Variants in HHIPL1 observed in about 807,000 individuals in gnomAD.
HHIPL1 encodes the protein HHIP like 1.
In HHIPL1, 43 loss-of-function variants were observed where a neutral mutation model predicts 61.8. That is an observed-to-expected ratio of 0.70 (90% CI 0.55 to 0.90). The LOEUF (loss-of-function observed/expected upper bound fraction) is 0.90. Ranked by LOEUF, HHIPL1 falls within the 40% of genes least tolerant of loss-of-function variation. The probability of loss-of-function intolerance (pLI) is 0.00; values close to 1 mark genes in which losing one functional copy is unlikely to be tolerated. For missense variants in HHIPL1, 1,056 were observed against 1,157.7 expected (o/e 0.91, Z 1.28); for synonymous variants, 482 against 515.8 (o/e 0.93, Z 0.89).
rs2056374967 is a variant in HHIPL1, at chr14:99,675,263, C to T, written c.1986C>T (p.Asn662=). The change falls in exon 9 of 9, where the codon AAC becomes AAT. Residue 662 remains asparagine, a synonymous_variant. Transcript: ENST00000330710. The surrounding 1 kb of genome is among the most constrained non-coding windows in gnomAD (Gnocchi z 5.4). ...RGGGRRRGRL[N]SASRAFRDGE... ...GCGGGCGGCGGCGGGGGCGGCTGAA[C>T]TCGGCGAGCCGGGCGTTCCGGGATG... 5 of 1,244,222 alleles carry T rather than the reference C, an allele frequency of 4.0e-6. No homozygotes were observed. Among genetic ancestry groups the T allele is most frequent in the Non-Finnish European group, 5.0e-6 (5 of 995,122 alleles). The allele number at this position is 1,244,222 out of a possible 1,614,324, so 77.1% of individuals were successfully genotyped here. A position where few individuals can be genotyped will look rare whatever the true frequency, so the allele number is the denominator to read the frequency against.
chr14:99,629,319 AC>A, the HHIPL1 span, among the ~76,000 whole-genome samples: 1 of 152,230 alleles, frequency 6.6e-6, no homozygotes, highest in Non-Finnish European at 1.5e-5. Context: ...CATAAAAAAA[AC>A]ATGAATATGT....
chr14:99,662,945 C>T lies in HHIPL1; in HGVS notation c.1572C>T (p.His524=), dbSNP rs202117856. The change falls in exon 6 of 9, where the codon CAC becomes CAT. Residue 524 remains histidine, a synonymous_variant. Transcript: ENST00000330710. The part of the protein sequence containing the change: ...QWQYSEICMG[H]GQTCEFPGLI... Reference sequence around the variant, plus strand: ...AGTACAGTGAGATCTGCATGGGCCACGGCCAGACCTGTGAGTTCCCAGGCC... The same window carrying T: ...AGTACAGTGAGATCTGCATGGGCCATGGCCAGACCTGTGAGTTCCCAGGCC... 9.0e-4 allele frequency: 1,459 copies of T among 1,613,816 alleles called. 20 individuals are homozygous for T. The South Asian group carries it at 0.014, about 16-fold the overall frequency.
the HHIPL1 span, among the ~76,000 whole-genome samples, chr14:99,611,787 G>C: frequency 6.6e-6 from 1 of 151,268 alleles, no homozygotes; most frequent in African/African-American, 2.4e-5. Flanking sequence ...CTTCTTATAC[G>C]CGTGTCCCAA....
In HHIPL1 at chr14:99,660,030, C is replaced by CCGGA. The variant is rs1473816791; in HGVS notation, c.1376-249_1376-246dup. Among the ~76,000 whole-genome samples, 93 of 152,034 alleles carry CCGGA rather than the reference C, an allele frequency of 6.1e-4. 1 individual carries two copies. The highest frequency in any genetic ancestry group is 2.0e-3 in the African/African-American group (83 of 41,482). On this transcript the variant is annotated intron_variant, in intron 4 of 8. Transcript: ENST00000330710. The surrounding 1 kb of genome is among the most constrained non-coding windows in gnomAD (Gnocchi z 4.9). ...CTTCGGTGACTGCCCCCGCCTCCAC[C>CCGGA]CGGAGCCTCCCTGCGCCTTGGAGGC...
chr14:99,651,247 C>G (rs781530859), intron 1 of HHIPL1, among the ~76,000 whole-genome samples: 4 of 151,726 alleles, frequency 2.6e-5, no homozygotes, highest in African/African-American at 9.7e-5. Context: ...AAAGAGAGAC[C>G]CTGTCTCAAA....
At chr14:99,623,472 G>A in the HHIPL1 span, among the ~76,000 whole-genome samples, 1 of 152,046 alleles carries the variant, frequency 6.6e-6, no homozygotes, top group African/African-American at 2.4e-5. Context: ...GGAGTGCAGT[G>A]GTATGATCAC....
In HHIPL1 at chr14:99,660,158, G is replaced by A; in HGVS notation, c.1376-122G>A. 1 of 1,027,548 alleles carries A rather than the reference G, an allele frequency of 9.7e-7. No homozygotes were observed. The highest frequency in any genetic ancestry group is 1.6e-5 in the South Asian group (1 of 63,562). The allele number at this position is 1,027,548 out of a possible 1,614,324, so 63.7% of individuals were successfully genotyped here. On this transcript the variant is annotated intron_variant, in intron 4 of 8. Coordinates refer to ENST00000330710, the MANE Select transcript of HHIPL1 (RefSeq NM_001127258.3). The surrounding 1 kb of genome is among the most constrained non-coding windows in gnomAD (Gnocchi z 4.9). Reference sequence around the variant, plus strand: ...GCCCTGCTGTGGGCACGCCAGCCCTGCTGTGGGCACGCCCCTCCCTCCGTG... The same window carrying A: ...GCCCTGCTGTGGGCACGCCAGCCCTACTGTGGGCACGCCCCTCCCTCCGTG...
At chr14:99,620,164 C>G in the HHIPL1 span, among the ~76,000 whole-genome samples, 1 of 152,222 alleles carries the variant, frequency 6.6e-6, no homozygotes, top group African/African-American at 2.4e-5. Context: ...ATTGCTCAGC[C>G]AGCCGGTGAT....
At position 99,659,502 on chromosome 14, in the gene HHIPL1, C is replaced by T. The variant is rs759597881; in HGVS notation, c.1121C>T (p.Pro374Leu). The stretch of plus-strand genomic sequence containing the variant: ...CGCGGCCTGCCCTACGGCATCCCGC[C>T]CGACAACCCGTTCGTGGGCGACCCC... The part of the protein sequence containing the change: ...KERGLPYGIP[P>L]DNPFVGDPAA... The change falls in exon 4 of 9, where the codon CCC (proline) becomes CTC (leucine). Residue 374 changes from proline to leucine, a missense_variant. Transcript: ENST00000330710. 2.6e-6 allele frequency: 4 copies of T among 1,541,136 alleles called. No individual in the cohort carries two copies. The highest frequency in any genetic ancestry group is 1.2e-5 in the South Asian group (1 of 83,552).
the HHIPL1 span, among the ~76,000 whole-genome samples, chr14:99,637,039 GAAA>G: frequency 9.5e-6 from 1 of 105,244 alleles, no homozygotes; most frequent in Non-Finnish European, 2.0e-5. Flanking sequence ...AAGAAAGAAA[GAAA>G]GAAAGAAGGA....
At chr14:99,634,542 A>G in the HHIPL1 span, among the ~76,000 whole-genome samples, 1 of 152,228 alleles carries the variant, frequency 6.6e-6, no homozygotes, top group East Asian at 1.9e-4. Flanking sequence ...ACAGCACCCT[A>G]AGCAGCCCCA....
the HHIPL1 span, among the ~76,000 whole-genome samples, chr14:99,614,500 C>A: frequency 3.3e-5 from 5 of 152,310 alleles, no homozygotes; most frequent in East Asian, 5.8e-4. Flanking sequence ...GCCCCAGCCA[C>A]CCTTAGAATC....
intron 2 of HHIPL1, among the ~76,000 whole-genome samples, chr14:99,656,127 C>G (rs185036267): frequency 5.1e-4 from 78 of 152,330 alleles, no homozygotes; most frequent in Middle Eastern, 6.8e-3. Flanking sequence ...CCGTTAGAAG[C>G]TGCAAATGAG....
chr14:99,634,667 T>C, the HHIPL1 span, among the ~76,000 whole-genome samples: 4 of 152,112 alleles, frequency 2.6e-5, no homozygotes, highest in African/African-American at 7.2e-5. Context: ...GTGGTGCAGA[T>C]AAGGAAACGG....
intron 2 of HHIPL1, among the ~76,000 whole-genome samples, 170 bp from the exon 3 acceptor site, chr14:99,656,830 A>AG (rs1566809831): frequency 3.1e-3 from 52 of 16,918 alleles, no homozygotes; most frequent in African/African-American, 6.0e-3. Flanking sequence ...AAAGAAAGAA[A>AG]GAAAGAAAGG....
chr14:99,637,959 A>G, the HHIPL1 span, among the ~76,000 whole-genome samples: 4 of 152,224 alleles, frequency 2.6e-5, no homozygotes, highest in Admixed American at 2.6e-4. Flanking sequence ...CGCCTCTCAC[A>G]CTGAGGCACA....
At position 99,675,697 on chromosome 14, in the gene HHIPL1, G is replaced by A. The variant is rs2056384251; in HGVS notation, c.*71G>A. 7 of 1,382,656 alleles carry A rather than the reference G, an allele frequency of 5.1e-6. No homozygotes were observed. The highest frequency in any genetic ancestry group is 5.7e-6 in the Non-Finnish European group (6 of 1,047,974). 85.6% of individuals were successfully genotyped at this position (1,382,656 alleles called of 1,614,324 possible). A position where few individuals can be genotyped will look rare whatever the true frequency, so the allele number is the denominator to read the frequency against. On this transcript the variant is annotated 3_prime_UTR_variant, in exon 9 of 9. Coordinates refer to ENST00000330710, the MANE Select transcript of HHIPL1 (RefSeq NM_001127258.3). This position sits in a 1 kb window ranked among gnomAD's most constrained non-coding sequence, Gnocchi z 5.4. ...GCAGGGGCCGCTCCGCCCTGTGTGCGCCCAGCGGGTGCACACGTGTTCTAG... is the reference window on the plus strand; with the variant it reads ...GCAGGGGCCGCTCCGCCCTGTGTGCACCCAGCGGGTGCACACGTGTTCTAG...
rs1348454555 is a variant in HHIPL1 at position 99,668,792 on chromosome 14, G to A, written c.1730+489G>A. ...CTTCCACTGGGGAAAACACATTGGG[G>A]CTCCCTTCGCCGGCTCCATCTCCCC... On this transcript the variant is annotated intron_variant, in intron 7 of 8. Transcript: ENST00000330710. The surrounding 1 kb of genome is among the most constrained non-coding windows in gnomAD (Gnocchi z 4.7). 1 of 1,608,398 alleles carries A rather than the reference G, an allele frequency of 6.2e-7. No homozygotes were observed. The highest frequency in any genetic ancestry group is 1.1e-5 in the South Asian group (1 of 91,022).
upstream of HHIPL1, among the ~76,000 whole-genome samples, chr14:99,643,779 A>G (rs2055784355): frequency 6.6e-6 from 1 of 152,216 alleles, no homozygotes; most frequent in Admixed American, 6.5e-5. Context: ...GGCAGGGAGA[A>G]GCCGGGGTAT....
Sources: allele counts gnomAD v4.1 joint callset (sites outside exome capture counted in the v4.1 genomes callset), GRCh38; gene constraint gnomAD v4.1.1; non-coding constraint Gnocchi (gnomAD v3.1); transcripts MANE v1.5; gene names NCBI Gene and HGNC (gene_info 2026-07-23, HGNC 2026-07-21).